The following HS6ST3 variants were observed in gnomAD, a reference collection of about 807,000 sequenced individuals.
The protein encoded by HS6ST3 is heparan sulfate 6-O-sulfotransferase 3.
In HS6ST3, 12 loss-of-function variants were observed where a neutral mutation model predicts 36.7. The ratio of observed to expected loss-of-function variants is 0.33; its 90% CI spans 0.21 to 0.53. The LOEUF (loss-of-function observed/expected upper bound fraction) is 0.53, where lower values mean the gene tolerates loss of function less well. Ranked by LOEUF, HS6ST3 falls within the 20% of genes least tolerant of loss-of-function variation. The probability of loss-of-function intolerance (pLI) is 0.95; values close to 1 mark genes in which losing one functional copy is unlikely to be tolerated. For missense variants in HS6ST3, 584 were observed against 640.9 expected, an observed-to-expected ratio of 0.91 and a Z score of 0.96; for synonymous variants, 240 against 257.5, an observed-to-expected ratio of 0.93 and a Z score of 0.65.
At chr13:96,755,356 G>GT (rs964462575) in intron 1 of HS6ST3, among the ~76,000 whole-genome samples, 1 of 148,388 alleles carries the variant, frequency 6.7e-6, no homozygotes, top group African/African-American at 2.6e-5. Context: ...TTGTTTTTTT[G>GT]TTTTTGTTTT....
intron 1 of HS6ST3, among the ~76,000 whole-genome samples, chr13:96,451,784 A>G (rs1190193087): frequency 6.6e-6 from 1 of 152,180 alleles, no homozygotes; most frequent in Non-Finnish European, 1.5e-5. Flanking sequence ...TTTTTGTGAT[A>G]ATGAGAGGTT....
At chr13:96,765,511 T>C (rs1364018724) in intron 1 of HS6ST3, among the ~76,000 whole-genome samples, 1 of 152,128 alleles carries the variant, frequency 6.6e-6, no homozygotes, top group Non-Finnish European at 1.5e-5. Context: ...TCCAGGGACT[T>C]TTCTTGGGTT....
At chr13:96,791,946 C>A (rs572675583) in intron 1 of HS6ST3, among the ~76,000 whole-genome samples, 1 of 151,954 alleles carries the variant, frequency 6.6e-6, no homozygotes, top group Non-Finnish European at 1.5e-5. Flanking sequence ...AGTATACACA[C>A]AAATGTGCCA....
chr13:96,117,762 T>G (rs766453511), intron 1 of HS6ST3, among the ~76,000 whole-genome samples: 1 of 151,996 alleles, frequency 6.6e-6, no homozygotes, highest in Non-Finnish European at 1.5e-5. Flanking sequence ...ATCTAGAAAA[T>G]GGATTGAGAT....
At chr13:96,471,187 C>G (rs2055838510) in intron 1 of HS6ST3, among the ~76,000 whole-genome samples, 1 of 152,190 alleles carries the variant, frequency 6.6e-6, no homozygotes, top group African/African-American at 2.4e-5. Context: ...GCATGGAGGA[C>G]TGAGAATAGG....
At chr13:96,755,523 C>G (rs1566445949) in intron 1 of HS6ST3, among the ~76,000 whole-genome samples, 1 of 152,068 alleles carries the variant, frequency 6.6e-6, no homozygotes, top group Admixed American at 6.5e-5. Flanking sequence ...AGCCACCATG[C>G]CTGGCTAATT....
chr13:96,365,476 AT>A (rs368982827), intron 1 of HS6ST3, among the ~76,000 whole-genome samples: 3 of 152,182 alleles, frequency 2.0e-5, no homozygotes, highest in Non-Finnish European at 4.4e-5. Context: ...TATTTATCCT[AT>A]TTTTTCTCTT....
chr13:96,112,941 G>C (rs2053877737), intron 1 of HS6ST3, among the ~76,000 whole-genome samples: 1 of 151,978 alleles, frequency 6.6e-6, no homozygotes, highest in South Asian at 2.1e-4. Flanking sequence ...AGGGATGCAG[G>C]GTTTTATTGG....
chr13:96,151,724 A>G (rs1487860454), intron 1 of HS6ST3, among the ~76,000 whole-genome samples: 2 of 152,180 alleles, frequency 1.3e-5, no homozygotes, highest in African/African-American at 4.8e-5. Flanking sequence ...GTATGAAAGC[A>G]TCCTGCCTTG....
chr13:96,701,821 G>C (rs1400625136), intron 1 of HS6ST3, among the ~76,000 whole-genome samples: 1 of 152,034 alleles, frequency 6.6e-6, no homozygotes, highest in Non-Finnish European at 1.5e-5. Context: ...AATTAGCCAG[G>C]CATGGAGGCG....
intron 1 of HS6ST3, among the ~76,000 whole-genome samples, chr13:96,256,344 T>C (rs2054637482): frequency 1.3e-5 from 2 of 152,262 alleles, no homozygotes. Context: ...TTCCATTTTA[T>C]TTCAACAGTG....
rs899445153 is a variant in HS6ST3 at position 96,788,319 on chromosome 13, C to A, written c.708-44171C>A. 3.3e-5 allele frequency among the ~76,000 whole-genome samples: 5 copies of A among 151,960 alleles called. No individual in the cohort carries two copies. In the South Asian group the frequency reaches 6.2e-4, roughly 19 times the overall value. ...GTATTTCACTAAATTCATAGATCAA[C>A]TTGGGGAGAATTGGTATATTCACTA... On this transcript the variant is annotated intron_variant, in intron 1 of 1. Coordinates refer to ENST00000376705, the MANE Select transcript of HS6ST3 (RefSeq NM_153456.4).
At chr13:96,679,619 A>G (rs1453527768) in intron 1 of HS6ST3, among the ~76,000 whole-genome samples, 1 of 152,134 alleles carries the variant, frequency 6.6e-6, no homozygotes, top group Non-Finnish European at 1.5e-5. Context: ...AAGCCCCTGC[A>G]GCTGCTTTCT....
At chr13:96,666,624 C>T (rs74867746) in intron 1 of HS6ST3, among the ~76,000 whole-genome samples, 7,247 of 152,172 alleles carry the variant, frequency 0.048, 221 homozygotes, top group Middle Eastern at 0.075. Context: ...TACAGCAACA[C>T]GTTGAACTTC....
At chr13:96,764,380 C>T (rs1877043863) in intron 1 of HS6ST3, among the ~76,000 whole-genome samples, 1 of 152,136 alleles carries the variant, frequency 6.6e-6, no homozygotes, top group African/African-American at 2.4e-5. Context: ...CTTAGGCTTC[C>T]CAAAGCACCT....
chr13:96,556,346 T>C (rs1339944598), intron 1 of HS6ST3, among the ~76,000 whole-genome samples: 1 of 152,178 alleles, frequency 6.6e-6, no homozygotes, highest in African/African-American at 2.4e-5. Context: ...AGGAAAGAGA[T>C]TTAGGTTTTA....
intron 1 of HS6ST3, among the ~76,000 whole-genome samples, chr13:96,803,625 T>A (rs1878133940): frequency 6.6e-6 from 1 of 152,192 alleles, no homozygotes; most frequent in Non-Finnish European, 1.5e-5. Flanking sequence ...ACTCAGTATA[T>A]CCTGGCAAAC....
intron 1 of HS6ST3, among the ~76,000 whole-genome samples, chr13:96,635,893 G>A (rs983185579): frequency 3.1e-4 from 47 of 152,114 alleles, no homozygotes; most frequent in African/African-American, 1.1e-3. Context: ...ACTACACGCA[G>A]GGTATAGAAA....
intron 1 of HS6ST3, among the ~76,000 whole-genome samples, chr13:96,292,624 C>A (rs897916721): frequency 2.0e-5 from 3 of 148,972 alleles, no homozygotes; most frequent in Non-Finnish European, 4.5e-5. Context: ...AGTAGGTTGA[C>A]AAATATTTAT....
Sources: allele counts gnomAD v4.1 joint callset (sites outside exome capture counted in the v4.1 genomes callset), GRCh38; gene constraint gnomAD v4.1.1; transcripts MANE v1.5; gene names NCBI Gene and HGNC (gene_info 2026-07-23, HGNC 2026-07-21).